NIPSNAP2: variants seen among roughly 807,000 people sequenced by gnomAD.
NIPSNAP2 encodes the protein nipsnap homolog 2, also known as protein NipSnap homolog 2.
NIPSNAP2 carries 42 observed loss-of-function variants against 48.4 expected under a neutral mutation model. That is an observed-to-expected ratio of 0.87 (90% CI 0.68 to 1.12). The LOEUF is 1.12. Among genes scored for constraint, NIPSNAP2 ranks in the 50% most tolerant of loss-of-function variants. The pLI is 0.00. For missense variants in NIPSNAP2, 314 were observed against 347.3 expected (o/e 0.90, Z 0.76); for synonymous variants, 158 against 126.6 (o/e 1.25, Z -1.67).
rs539270450 is a variant in NIPSNAP2 at position 55,980,091 on chromosome 7, GA to G, written c.279-1378del. On this transcript the variant is annotated intron_variant, in intron 3 of 9. Coordinates refer to ENST00000322090, the MANE Select transcript of NIPSNAP2 (RefSeq NM_001483.3). ...TCTATTCCTGCTCATGTCATGCGAC[GA>G]AAAGGAAATGTTGGACATACATTTC... 26 of 215,418 alleles carry G rather than the reference GA, an allele frequency of 1.2e-4. No individual in the cohort carries two copies. In the South Asian group the frequency reaches 1.7e-3, roughly 14 times the overall value. The allele number at this position is 215,418 out of a possible 1,614,324, so 13.3% of individuals were successfully genotyped here.
intron 1 of NIPSNAP2, among the ~76,000 whole-genome samples, chr7:55,967,099 C>G (rs1215179240): frequency 1.3e-5 from 2 of 152,268 alleles, no homozygotes; most frequent in Admixed American, 1.3e-4. Context: ...TAGTGCTGCT[C>G]AGCAGCAAGC....
At position 55,997,453 on chromosome 7, in the gene NIPSNAP2, A is replaced by G; in HGVS notation, c.796+4A>G. 1.3e-6 allele frequency: 2 copies of G among 1,599,598 alleles called. No homozygotes were observed. Among genetic ancestry groups the G allele is most frequent in the Non-Finnish European group, 8.6e-7 (1 of 1,166,776 alleles). ...GAGGAATTGGTATATTACACAGGTA[A>G]TCTCTTAACAGCCATGAAATATGCT... On this transcript the variant is annotated splice_donor_region_variant and intron_variant, in intron 9 of 9. Coordinates refer to ENST00000322090, the MANE Select transcript of NIPSNAP2 (RefSeq NM_001483.3).
In NIPSNAP2 at chr7:55,993,674, A is replaced by G. The variant is rs187666390; in HGVS notation, c.618-1220A>G. On this transcript the variant is annotated intron_variant, in intron 7 of 9. Transcript: ENST00000322090. ...AGAATAACTTGAACCCAGGAGATGG[A>G]GATTGCAGTAAGCTGAGATCACGCC... is the stretch of plus-strand genomic sequence containing the variant. Among the ~76,000 whole-genome samples, 120 of 151,908 alleles carry G rather than the reference A, an allele frequency of 7.9e-4. 1 individual carries two copies. The highest frequency in any genetic ancestry group is 1.3e-3 in the Non-Finnish European group (90 of 67,990).
At chr7:55,994,028 G>A (rs1787504843) in intron 7 of NIPSNAP2, among the ~76,000 whole-genome samples, 1 of 152,152 alleles carries the variant, frequency 6.6e-6, no homozygotes, top group Admixed American at 6.5e-5. Context: ...CCAAGAAGTT[G>A]CAGAGTCCCT....
intron 1 of NIPSNAP2, among the ~76,000 whole-genome samples, chr7:55,976,704 A>G (rs947927025): frequency 8.5e-5 from 13 of 152,156 alleles, no homozygotes; most frequent in African/African-American, 3.1e-4. Flanking sequence ...TGGGCAACAT[A>G]GCAAGACCCC....
At chr7:55,971,663 C>G (rs903923182) in intron 1 of NIPSNAP2, among the ~76,000 whole-genome samples, 5 of 151,892 alleles carry the variant, frequency 3.3e-5, no homozygotes, top group African/African-American at 1.2e-4. Context: ...ACAGGGTCTT[C>G]CTATGCTGCC....
chr7:55,988,248 C>A (rs1312786473), intron 7 of NIPSNAP2, among the ~76,000 whole-genome samples: 2 of 151,876 alleles, frequency 1.3e-5, no homozygotes, highest in Non-Finnish European at 2.9e-5. Flanking sequence ...GGCTACAGAC[C>A]CTGTATCAAA....
intron 1 of NIPSNAP2, among the ~76,000 whole-genome samples, chr7:55,976,898 AAAAG>A (rs987931414): frequency 1.3e-5 from 2 of 151,680 alleles, no homozygotes; most frequent in East Asian, 3.9e-4. Context: ...CAGTCTCAAA[AAAAG>A]AAAGAAAAAA....
At chr7:55,993,879 T>C (rs898924801) in intron 7 of NIPSNAP2, among the ~76,000 whole-genome samples, 1 of 151,654 alleles carries the variant, frequency 6.6e-6, no homozygotes, top group African/African-American at 2.4e-5. Context: ...TGGTACATAA[T>C]GAATGCCTTT....
rs754297119 is a variant in NIPSNAP2 at position 55,978,221 on chromosome 7, A to G, written c.188A>G (p.Asn63Ser). The change falls in exon 2 of 10, where the codon AAT (asparagine) becomes AGT (serine). Residue 63 changes from asparagine to serine, a missense_variant. Transcript: ENST00000322090. ...GATCCAAGAAAAGATGCCCACTCCA[A>G]TCTCCTAGCCAAAAAGGAAACAAGC... ...KVDPRKDAHS[N>S]LLAKKETSNL... is the part of the protein sequence containing the mutation. 122 of 1,614,056 alleles carry G rather than the reference A, an allele frequency of 7.6e-5. No homozygotes were observed. Among genetic ancestry groups the G allele is most frequent in the Non-Finnish European group, 9.4e-5 (111 of 1,180,036 alleles).
At chr7:55,970,935 C>T (rs1040074948) in intron 1 of NIPSNAP2, among the ~76,000 whole-genome samples, 1 of 152,154 alleles carries the variant, frequency 6.6e-6, no homozygotes, top group Non-Finnish European at 1.5e-5. Context: ...TCTAAGTTTA[C>T]AGCATCTGTG....
At chr7:55,972,829 G>A (rs1310752896) in intron 1 of NIPSNAP2, among the ~76,000 whole-genome samples, 1 of 152,164 alleles carries the variant, frequency 6.6e-6, no homozygotes, top group Admixed American at 6.5e-5. Context: ...ATGGCTGGGT[G>A]TGGTGGTTCA....
intron 1 of NIPSNAP2, 28 bp from the exon 2 acceptor site, chr7:55,978,098 G>GAAAAA (rs765265485): frequency 1.2e-6 from 2 of 1,613,362 alleles, no homozygotes; most frequent in Non-Finnish European, 1.7e-6. Flanking sequence ...ACAGTATACT[G>GAAAAA]CGTGACAACA....
At chr7:55,983,536 A>T (rs753361912) in intron 5 of NIPSNAP2, among the ~76,000 whole-genome samples, 192 bp from the exon 6 acceptor site, 7 of 152,194 alleles carry the variant, frequency 4.6e-5, no homozygotes, top group Non-Finnish European at 8.8e-5. Context: ...CTAAACCTGG[A>T]CACTTTTGAG....
At chr7:55,967,560 G>A (rs1250578791) in intron 1 of NIPSNAP2, among the ~76,000 whole-genome samples, 2 of 151,706 alleles carry the variant, frequency 1.3e-5, no homozygotes, top group South Asian at 2.1e-4. Context: ...TTGACCTTCC[G>A]GACTTAAGGG....
intron 7 of NIPSNAP2, among the ~76,000 whole-genome samples, chr7:55,992,833 T>C (rs1162391122): frequency 6.6e-6 from 1 of 152,316 alleles, no homozygotes; most frequent in East Asian, 1.9e-4. Context: ...CATCTCCTGA[T>C]AGACCTTAAC....
chr7:55,987,843 T>G (rs1053266173), intron 7 of NIPSNAP2, among the ~76,000 whole-genome samples: 6 of 151,756 alleles, frequency 4.0e-5, no homozygotes, highest in African/African-American at 1.2e-4. Flanking sequence ...GAGTATAGAG[T>G]TTCAGTTTTA....
intron 4 of NIPSNAP2, chr7:55,981,781 C>T (rs1020781398): frequency 6.2e-6 from 3 of 481,910 alleles, no homozygotes; most frequent in Admixed American, 3.7e-5. Flanking sequence ...TATGATGTAA[C>T]TCATAGGCCA....
chr7:55,970,737 C>G (rs918373364), intron 1 of NIPSNAP2, among the ~76,000 whole-genome samples: 1 of 152,162 alleles, frequency 6.6e-6, no homozygotes, highest in Non-Finnish European at 1.5e-5. Flanking sequence ...CCATTCCAGA[C>G]ATATGCCATT....
Sources: allele counts gnomAD v4.1 joint callset (sites outside exome capture counted in the v4.1 genomes callset), GRCh38; gene constraint gnomAD v4.1.1; transcripts MANE v1.5; gene names NCBI Gene and HGNC (gene_info 2026-07-23, HGNC 2026-07-21).